Variants in AUTS2 observed in about 807,000 individuals in gnomAD.
AUTS2 encodes autism susceptibility gene 2 protein.
In AUTS2, 17 loss-of-function variants were observed where a neutral mutation model predicts 112.4. The observed-to-expected ratio is 0.15, with a 90% CI of 0.10 to 0.23. The LOEUF is 0.23. Among genes scored for constraint, AUTS2 ranks in the 10% least tolerant of loss-of-function variants. The pLI is 1.00. For missense variants in AUTS2, 1,510 were observed against 1,701.6 expected, an observed-to-expected ratio of 0.89 and a Z score of 1.98; for synonymous variants, 751 against 702.7, an observed-to-expected ratio of 1.07 and a Z score of -1.09.
At chr7:69,691,419 C>T (rs187261309) in intron 1 of AUTS2, among the ~76,000 whole-genome samples, 1 of 152,188 alleles carries the variant, frequency 6.6e-6, no homozygotes. Flanking sequence ...CCCTCAGCAC[C>T]CACCCCCATC....
chr7:69,670,888 G>A (rs1796290613), intron 1 of AUTS2, among the ~76,000 whole-genome samples: 1 of 152,036 alleles, frequency 6.6e-6, no homozygotes, highest in Admixed American at 6.5e-5. Context: ...ATCGTTTTAG[G>A]GTTTCTATTT....
At chr7:70,668,173 T>A (rs933071734) in intron 5 of AUTS2, among the ~76,000 whole-genome samples, 1 of 152,186 alleles carries the variant, frequency 6.6e-6, no homozygotes, top group African/African-American at 2.4e-5. Flanking sequence ...AGAGATGGGT[T>A]TCACCATGTT....
chr7:69,908,774 G>A (rs1037333420), intron 2 of AUTS2, among the ~76,000 whole-genome samples: 1 of 152,198 alleles, frequency 6.6e-6, no homozygotes, highest in Admixed American at 6.5e-5. Flanking sequence ...CTAATTGCTG[G>A]TGATGGTTCT....
intron 2 of AUTS2, among the ~76,000 whole-genome samples, chr7:69,982,455 G>A (rs1156974608): frequency 1.4e-5 from 2 of 141,008 alleles, no homozygotes; most frequent in African/African-American, 2.8e-5. Context: ...CCTGCTCCAG[G>A]CTATCCTGAG....
At chr7:70,150,680 A>G (rs1181956558) in intron 4 of AUTS2, among the ~76,000 whole-genome samples, 2 of 152,232 alleles carry the variant, frequency 1.3e-5, no homozygotes, top group Non-Finnish European at 2.9e-5. Context: ...GATAAATTCA[A>G]CAGACAGCAG....
chr7:70,610,639 A>G (rs564389645), intron 5 of AUTS2, among the ~76,000 whole-genome samples: 6 of 151,854 alleles, frequency 4.0e-5, no homozygotes, highest in Non-Finnish European at 5.9e-5. Context: ...AGGTCTCACT[A>G]TGTTGCCCAG....
At chr7:70,783,600 T>C (rs1293953144) in intron 15 of AUTS2, 1 of 152,252 alleles carries the variant, frequency 6.6e-6, no homozygotes, top group East Asian at 1.9e-4. Flanking sequence ...GCCTTGTTTA[T>C]ACTTCCATTC....
chr7:70,766,085 GTCA>G lies in AUTS2; in HGVS notation c.1469-26_1469-24del. The G allele has an allele frequency of 6.2e-7, 1 of 1,603,358 alleles. No homozygotes were observed. Among genetic ancestry groups the G allele is most frequent in the Non-Finnish European group, 8.5e-7 (1 of 1,171,994 alleles). On this transcript the variant is annotated intron_variant, in intron 8 of 18. Transcript: ENST00000342771. This position sits in a 1 kb window ranked among gnomAD's most constrained non-coding sequence, Gnocchi z 4.8. ...GATGTCCTTTTCTGAAGGAAAAGGC[GTCA>G]TCGTCTCCCTCTTCTTCTCTTCCAG...
intron 5 of AUTS2, among the ~76,000 whole-genome samples, chr7:70,640,031 C>T (rs76024713): frequency 0.028 from 4,215 of 152,046 alleles, 231 homozygotes; most frequent in African/African-American, 0.098. Flanking sequence ...GATGGCTGAG[C>T]CTTTTTAGGG....
chr7:70,675,425 G>C (rs941249764), intron 5 of AUTS2, among the ~76,000 whole-genome samples: 1 of 152,210 alleles, frequency 6.6e-6, no homozygotes, highest in African/African-American at 2.4e-5. Flanking sequence ...GAGCCCAGGA[G>C]GTGGAGGTTG....
intron 5 of AUTS2, among the ~76,000 whole-genome samples, chr7:70,529,457 G>A (rs1309418075): frequency 6.6e-6 from 1 of 152,172 alleles, no homozygotes; most frequent in African/African-American, 2.4e-5. Flanking sequence ...GCTAAACCTG[G>A]AACTTGAGCC....
intron 4 of AUTS2, among the ~76,000 whole-genome samples, chr7:70,226,339 G>A (rs1027599783): frequency 4.0e-5 from 6 of 148,430 alleles, no homozygotes; most frequent in South Asian, 2.1e-4. Context: ...GACTACAGGC[G>A]CCCACCACCA....
chr7:70,491,589 TTGTGTGTGTGTGTGTG>T (rs71077660), intron 5 of AUTS2, among the ~76,000 whole-genome samples: 1 of 138,802 alleles, frequency 7.2e-6, no homozygotes, highest in East Asian at 2.1e-4. Context: ...TGTATATATA[TTGTGTGTGTGTGTGTG>T]TGTGTGTGTG....
intron 4 of AUTS2, among the ~76,000 whole-genome samples, chr7:70,182,368 GT>G (rs1809364319): frequency 6.6e-6 from 1 of 152,128 alleles, no homozygotes. Context: ...GCTTTACTCA[GT>G]TTTCAAGATC....
At chr7:70,543,398 G>A (rs542463929) in intron 5 of AUTS2, among the ~76,000 whole-genome samples, 5 of 151,764 alleles carry the variant, frequency 3.3e-5, no homozygotes, top group Non-Finnish European at 5.9e-5. Context: ...GGGTGGTGGC[G>A]GGCACCTGTA....
At chr7:69,717,764 C>G (rs897239617) in intron 1 of AUTS2, among the ~76,000 whole-genome samples, 1 of 152,088 alleles carries the variant, frequency 6.6e-6, no homozygotes, top group Non-Finnish European at 1.5e-5. Flanking sequence ...AAAGGCTCTT[C>G]CTCTGTTTCT....
intron 5 of AUTS2, among the ~76,000 whole-genome samples, chr7:70,523,382 A>G (rs888346676): frequency 1.3e-5 from 2 of 152,188 alleles, no homozygotes; most frequent in African/African-American, 4.8e-5. Flanking sequence ...ACAGTTTGAG[A>G]TTGTATTCTC....
chr7:70,742,316 G>T (rs1241426573), intron 6 of AUTS2, among the ~76,000 whole-genome samples: 1 of 152,280 alleles, frequency 6.6e-6, no homozygotes, highest in East Asian at 1.9e-4. Context: ...TATCTCATAA[G>T]TCTGGTTCCT....
chr7:69,833,983 C>T (rs1012232560), intron 1 of AUTS2, among the ~76,000 whole-genome samples: 7 of 152,192 alleles, frequency 4.6e-5, no homozygotes, highest in Admixed American at 3.3e-4. Context: ...AAGTAATATA[C>T]AATTTTGAAA....
Sources: allele counts gnomAD v4.1 joint callset (sites outside exome capture counted in the v4.1 genomes callset), GRCh38; gene constraint gnomAD v4.1.1; non-coding constraint Gnocchi (gnomAD v3.1); transcripts MANE v1.5; gene names NCBI Gene and HGNC (gene_info 2026-07-23, HGNC 2026-07-21).